Variants in CTNNA3 observed in about 807,000 individuals in gnomAD.
CTNNA3 encodes the protein catenin alpha-3.
In CTNNA3, 76 loss-of-function variants were observed where a neutral mutation model predicts 95.7. The ratio of observed to expected loss-of-function variants is 0.79; its 90% confidence interval spans 0.66 to 0.96. The LOEUF (loss-of-function observed/expected upper bound fraction) is 0.96. Ranked by LOEUF, CTNNA3 falls within the 40% of genes least tolerant of loss-of-function variation. CTNNA3 has a pLI of 0.00. For synonymous variants in CTNNA3, 431 were observed against 374.4 expected, an observed-to-expected ratio of 1.15 and a Z score of -1.74; for missense variants, 1,191 against 1,089.8, an observed-to-expected ratio of 1.09 and a Z score of -1.31.
chr10:67,030,080 G>C (rs1853625733), intron 7 of CTNNA3, among the ~76,000 whole-genome samples: 1 of 152,058 alleles, frequency 6.6e-6, no homozygotes, highest in South Asian at 2.1e-4. Flanking sequence ...TAATCATATA[G>C]AAGGTGTATT....
chr10:66,253,716 T>C (rs1477588080), intron 13 of CTNNA3, among the ~76,000 whole-genome samples: 1 of 152,158 alleles, frequency 6.6e-6, no homozygotes, highest in East Asian at 1.9e-4. Flanking sequence ...TCTGTGTGTG[T>C]GCACGTTGTG....
At chr10:66,286,268 C>T (rs1427994150) in intron 12 of CTNNA3, among the ~76,000 whole-genome samples, 3 of 151,928 alleles carry the variant, frequency 2.0e-5, no homozygotes, top group African/African-American at 4.8e-5. Context: ...TGGCACATAC[C>T]ATCTTTTACT....
chr10:67,007,362 A>AATT (rs1777837930), intron 7 of CTNNA3, among the ~76,000 whole-genome samples: 1 of 151,968 alleles, frequency 6.6e-6, no homozygotes, highest in East Asian at 1.9e-4. Flanking sequence ...TTGATTTTTA[A>AATT]ATTACCCTTG....
At chr10:66,425,626 T>A (rs12778610) in intron 11 of CTNNA3, among the ~76,000 whole-genome samples, 57,892 of 151,668 alleles carry the variant, frequency 0.38, 11,590 homozygotes, top group African/African-American at 0.5. Flanking sequence ...ATTTTAGTTT[T>A]ACCTATATAC....
At chr10:67,717,530 G>A (rs1417047693) in intron 1 of CTNNA3, among the ~76,000 whole-genome samples, 1 of 152,050 alleles carries the variant, frequency 6.6e-6, no homozygotes, top group Non-Finnish European at 1.5e-5. Flanking sequence ...TCAGTTTTCT[G>A]CATATAGCTA....
chr10:67,188,064 T>C (rs904665700), intron 6 of CTNNA3, among the ~76,000 whole-genome samples: 2 of 152,204 alleles, frequency 1.3e-5, no homozygotes, highest in Non-Finnish European at 2.9e-5. Context: ...ATCTCAGAAC[T>C]TAACACTATT....
intron 7 of CTNNA3, among the ~76,000 whole-genome samples, chr10:67,165,890 T>C (rs1480534186): frequency 1.3e-5 from 2 of 152,240 alleles, no homozygotes; most frequent in African/African-American, 4.8e-5. Context: ...AGAGCTTGTT[T>C]CTACAAAAGA....
chr10:66,416,189 A>G (rs2093144480), intron 11 of CTNNA3, among the ~76,000 whole-genome samples: 1 of 152,158 alleles, frequency 6.6e-6, no homozygotes. Context: ...TAAAAGCTTC[A>G]ACCATAGACT....
intron 17 of CTNNA3, among the ~76,000 whole-genome samples, chr10:65,938,004 A>G (rs1670154): frequency 6.6e-6 from 1 of 151,770 alleles, no homozygotes; most frequent in African/African-American, 2.4e-5. Flanking sequence ...TGTATTAGTT[A>G]TTCTGATGTT....
chr10:67,479,761 A>G lies in CTNNA3; in HGVS notation c.579+42081T>C, dbSNP rs180988162. Among the ~76,000 whole-genome samples, 548 of 152,284 alleles carry G rather than the reference A, an allele frequency of 3.6e-3. 8 individuals are homozygous for G. The highest frequency in any genetic ancestry group is 0.013 in the African/African-American group (525 of 41,576). Reference sequence around the variant, plus strand: ...TCAAAGCAGAACTAAATGAAATTGAAACCCCAAAATACATACAAAGGATCA... The same window carrying G: ...TCAAAGCAGAACTAAATGAAATTGAGACCCCAAAATACATACAAAGGATCA... On this transcript the variant is annotated intron_variant, in intron 5 of 17. Transcript: ENST00000433211.
chr10:66,030,049 T>A (rs1034549259), intron 15 of CTNNA3, among the ~76,000 whole-genome samples: 15 of 151,994 alleles, frequency 9.9e-5, no homozygotes, highest in African/African-American at 3.6e-4. Flanking sequence ...AACTATAAAA[T>A]ACTGTTGAAA....
At chr10:66,118,133 AT>A (rs2082414955) in intron 13 of CTNNA3, 1 of 152,248 alleles carries the variant, frequency 6.6e-6, no homozygotes, top group South Asian at 2.1e-4. Context: ...TTATTTAAAA[AT>A]ATACCAGAGT....
At chr10:67,153,381 CAT>C (rs1861169268) in intron 7 of CTNNA3, among the ~76,000 whole-genome samples, 1 of 152,206 alleles carries the variant, frequency 6.6e-6, no homozygotes, top group African/African-American at 2.4e-5. Flanking sequence ...TTAAGCCTCT[CAT>C]GTGATAATAA....
At chr10:66,548,516 A>C (rs1842107927) in intron 10 of CTNNA3, among the ~76,000 whole-genome samples, 1 of 152,140 alleles carries the variant, frequency 6.6e-6, no homozygotes, top group Non-Finnish European at 1.5e-5. Context: ...CCAATTCCAA[A>C]GGAAAGCTTT....
At chr10:66,382,556 C>G (rs747351594) in intron 11 of CTNNA3, among the ~76,000 whole-genome samples, 1 of 152,162 alleles carries the variant, frequency 6.6e-6, no homozygotes, top group African/African-American at 2.4e-5. Flanking sequence ...CTCTGTCAGA[C>G]AGCTATGAAG....
chr10:66,650,407 G>C (rs997470720), intron 9 of CTNNA3, among the ~76,000 whole-genome samples: 3 of 152,122 alleles, frequency 2.0e-5, no homozygotes, highest in Non-Finnish European at 1.5e-5. Flanking sequence ...TAAACAATAT[G>C]CTCTTTAACA....
At chr10:66,498,505 T>A (rs139271733) in intron 11 of CTNNA3, among the ~76,000 whole-genome samples, 9 of 152,274 alleles carry the variant, frequency 5.9e-5, no homozygotes, top group East Asian at 5.8e-4. Context: ...TAGGTTCATG[T>A]CAGCAAATGT....
chr10:66,888,600 G>T (rs1845140713), intron 7 of CTNNA3, among the ~76,000 whole-genome samples: 1 of 151,710 alleles, frequency 6.6e-6, no homozygotes, highest in African/African-American at 2.4e-5. Flanking sequence ...GGAGGAAAAT[G>T]ATTTTCCTAA....
chr10:66,425,009 C>G (rs2093226683), intron 11 of CTNNA3, among the ~76,000 whole-genome samples: 1 of 151,998 alleles, frequency 6.6e-6, no homozygotes, highest in Non-Finnish European at 1.5e-5. Flanking sequence ...ATCTATTTCT[C>G]CCTATGATTT....
Sources: allele counts gnomAD v4.1 joint callset (sites outside exome capture counted in the v4.1 genomes callset), GRCh38; gene constraint gnomAD v4.1.1; transcripts MANE v1.5; gene names NCBI Gene and HGNC (gene_info 2026-07-23, HGNC 2026-07-21).